CFAP54: variants seen among roughly 807,000 people sequenced by gnomAD.
CFAP54 encodes cilia and flagella associated protein 54.
A neutral mutation model predicts 370.4 loss-of-function variants in CFAP54; 290 were observed. The ratio of observed to expected loss-of-function variants is 0.78; its 90% CI spans 0.71 to 0.86. The LOEUF (loss-of-function observed/expected upper bound fraction) is 0.86, where lower values mean the gene tolerates loss of function less well. Among genes scored for constraint, CFAP54 ranks in the 40% least tolerant of loss-of-function variants. The pLI is 0.00. For synonymous variants in CFAP54, 1,206 were observed against 1,236.5 expected (o/e 0.98, Z 0.52); for missense variants, 3,399 against 3,528.7 (o/e 0.96, Z 0.93).
At chr12:96,718,649 T>G in intron 49 of CFAP54, 127 bp downstream of exon 49, 1 of 592,862 alleles carries the variant, frequency 1.7e-6, no homozygotes, top group Non-Finnish European at 3.0e-6. Flanking sequence ...TGTGTAAGAA[T>G]GGGTTGGAGC....
chr12:96,493,902 A>C (rs1306909176), intron 1 of CFAP54, among the ~76,000 whole-genome samples: 3 of 152,192 alleles, frequency 2.0e-5, no homozygotes, highest in African/African-American at 7.2e-5. Flanking sequence ...AAAAGAGAAG[A>C]GGTTATGGAG....
chr12:96,708,177 C>T (rs1425620851), intron 47 of CFAP54, among the ~76,000 whole-genome samples: 6 of 152,050 alleles, frequency 3.9e-5, no homozygotes, highest in Admixed American at 6.6e-5. Context: ...TAATGATTGA[C>T]GGTGGACTCT....
At chr12:96,681,889 G>A (rs1957278071) in intron 40 of CFAP54, among the ~76,000 whole-genome samples, 2 of 152,092 alleles carry the variant, frequency 1.3e-5, no homozygotes, top group African/African-American at 4.8e-5. Context: ...GTGAGCCATT[G>A]TGCCCGGCCC....
rs150939221 is a variant in CFAP54 at position 96,786,473 on chromosome 12, G to A, written c.8456-202G>A. Among the ~76,000 whole-genome samples the A allele has an allele frequency of 5.7e-4, 86 of 152,206 alleles. 1 individual carries two copies. The highest frequency in any genetic ancestry group is 1.9e-3 in the South Asian group (9 of 4,824). On this transcript the variant is annotated intron_variant, in intron 61 of 67. Transcript: ENST00000524981. Reference sequence around the variant, plus strand: ...TGGGATTATAGGCATAAGCCACCGCGCCTGGCCTGAAATTTTGTTTCCTTC... The same window carrying A: ...TGGGATTATAGGCATAAGCCACCGCACCTGGCCTGAAATTTTGTTTCCTTC...
chr12:96,555,749 A>G (rs1955744869), intron 17 of CFAP54, among the ~76,000 whole-genome samples: 2 of 151,958 alleles, frequency 1.3e-5, no homozygotes, highest in South Asian at 4.1e-4. Context: ...TTAAAGAACT[A>G]TATAAATGAA....
chr12:96,562,936 A>G (rs1955831148), intron 17 of CFAP54, among the ~76,000 whole-genome samples: 1 of 152,198 alleles, frequency 6.6e-6, no homozygotes, highest in African/African-American at 2.4e-5. Context: ...GTTTTTTCTA[A>G]TACATAAATG....
At chr12:96,627,308 C>T (rs1296372493) in intron 30 of CFAP54, among the ~76,000 whole-genome samples, 4 of 152,144 alleles carry the variant, frequency 2.6e-5, no homozygotes, top group Non-Finnish European at 5.9e-5. Flanking sequence ...ACAAATAGAG[C>T]CATTTCTTGA....
chr12:96,644,515 G>T, intron 33 of CFAP54, 107 bp downstream of exon 33: 1 of 794,952 alleles, frequency 1.3e-6, no homozygotes, highest in Non-Finnish European at 2.0e-6. Context: ...GGTTTACAGA[G>T]TGCTTCTATC....
intron 33 of CFAP54, among the ~76,000 whole-genome samples, chr12:96,647,628 T>G (rs1246770991): frequency 2.6e-5 from 4 of 152,022 alleles, no homozygotes; most frequent in Admixed American, 2.6e-4. Context: ...GATATTTTTA[T>G]TCCCATTTTC....
chr12:96,825,099 T>G (rs1360702407), intron 65 of CFAP54, among the ~76,000 whole-genome samples: 4 of 150,512 alleles, frequency 2.7e-5, no homozygotes, highest in Non-Finnish European at 5.9e-5. Context: ...GTTGCACTAT[T>G]TTTTTCAAGG....
At chr12:96,692,729 A>G (rs1289569150) in intron 44 of CFAP54, among the ~76,000 whole-genome samples, 3 of 152,218 alleles carry the variant, frequency 2.0e-5, no homozygotes, top group African/African-American at 7.2e-5. Flanking sequence ...CAAGAAGTAA[A>G]CAGTTTCCAT....
intron 1 of CFAP54, among the ~76,000 whole-genome samples, chr12:96,497,454 T>C (rs1436359729): frequency 6.6e-6 from 1 of 152,176 alleles, no homozygotes; most frequent in South Asian, 2.1e-4. Context: ...TGGAACAATA[T>C]ACACAGCTCA....
chr12:96,693,636 A>T (rs941451214), intron 44 of CFAP54, 86 bp from the exon 45 acceptor site: 1 of 820,632 alleles, frequency 1.2e-6, no homozygotes, highest in Non-Finnish European at 2.0e-6. Context: ...AACATATCCT[A>T]TATTTAATAT....
At chr12:96,667,099 C>A (rs11108630) in intron 39 of CFAP54, among the ~76,000 whole-genome samples, 11,568 of 152,280 alleles carry the variant, frequency 0.076, 847 homozygotes, top group East Asian at 0.44. Context: ...ACATCCAGGC[C>A]ATGCTGATGC....
intron 33 of CFAP54, chr12:96,645,294 A>G (rs553955136): frequency 4.3e-4 from 170 of 393,200 alleles, no homozygotes; most frequent in African/African-American, 3.0e-3. Flanking sequence ...AAGCATTCTT[A>G]TACACCAATA....
At position 96,664,708 on chromosome 12, in the gene CFAP54, T is replaced by TAG. The variant is rs1957045388; in HGVS notation, c.5563+777_5563+778insGA. Among the ~76,000 whole-genome samples, 9 of 27,208 alleles carry TAG rather than the reference T, an allele frequency of 3.3e-4. 2 individuals are homozygous for TAG. Among genetic ancestry groups the TAG allele is most frequent in the African/African-American group, 9.9e-4 (4 of 4,046 alleles). 17.8% of individuals were successfully genotyped at this position (27,208 alleles called of 152,430 possible). Reference sequence around the variant, plus strand: ...CTTTGGGTATATATCTATATATATATATATATCTATATATATCTATATATA... The same window carrying TAG: ...CTTTGGGTATATATCTATATATATATAGATATATCTATATATATCTATATATA... On this transcript the variant is annotated intron_variant, in intron 39 of 67. Transcript: ENST00000524981.
intron 23 of CFAP54, among the ~76,000 whole-genome samples, chr12:96,590,394 T>C (rs1956113226): frequency 6.6e-6 from 1 of 152,204 alleles, no homozygotes; most frequent in Admixed American, 6.5e-5. Context: ...AAATGAGCAT[T>C]ACTGTAATTT....
intron 38 of CFAP54, 88 bp downstream of exon 38, chr12:96,658,434 T>G: frequency 1.4e-6 from 2 of 1,431,410 alleles, no homozygotes; most frequent in Non-Finnish European, 1.9e-6. Context: ...GTCAGATAAA[T>G]CTTATTATTT....
intron 46 of CFAP54, among the ~76,000 whole-genome samples, chr12:96,704,405 C>T (rs1281556262): frequency 6.8e-5 from 8 of 118,098 alleles, no homozygotes; most frequent in East Asian, 2.4e-4. Flanking sequence ...CCAGCCTGGG[C>T]GACAGAGCGA....
Sources: gnomAD v4.1 joint callset for allele counts (sites outside exome capture counted in the v4.1 genomes callset) on GRCh38, gnomAD v4.1.1 for gene constraint, MANE v1.5 for transcripts, NCBI Gene and HGNC (gene_info 2026-07-23, HGNC 2026-07-21) for gene names.